Variants in RANBP2 observed in about 807,000 individuals in gnomAD.
RANBP2 encodes the protein RAN binding protein 2, also known as E3 SUMO-protein ligase RanBP2.
In RANBP2, 57 loss-of-function variants were observed where a neutral mutation model predicts 303.6. The ratio of observed to expected loss-of-function variants is 0.19; its 90% CI spans 0.15 to 0.23. The LOEUF (loss-of-function observed/expected upper bound fraction) is 0.23, where lower values mean the gene tolerates loss of function less well. Ranked by LOEUF, RANBP2 falls within the 10% of genes least tolerant of loss-of-function variation. RANBP2 has a pLI of 1.00. For missense variants in RANBP2, 3,138 were observed against 3,780.8 expected (o/e 0.83, Z 4.46); for synonymous variants, 1,167 against 1,301.5 (o/e 0.90, Z 2.23).
the RANBP2 span, among the ~76,000 whole-genome samples, chr2:109,436,289 G>A: frequency 6.6e-6 from 1 of 152,206 alleles, no homozygotes; most frequent in Non-Finnish European, 1.5e-5. Flanking sequence ...AATACACAGA[G>A]GGAAAGCGTG....
the RANBP2 span, among the ~76,000 whole-genome samples, chr2:108,936,758 TA>T: frequency 2.4e-3 from 358 of 152,322 alleles, 2 homozygotes; most frequent in African/African-American, 8.0e-3. Flanking sequence ...TAGTGCTAAT[TA>T]ATATTAGATT....
the RANBP2 span, among the ~76,000 whole-genome samples, chr2:109,170,302 C>A: frequency 9.9e-4 from 125 of 126,390 alleles, 1 homozygote; most frequent in African/African-American, 3.2e-3. Context: ...CTCTTCTCTT[C>A]TCTTCTCTTC....
At chr2:109,056,978 T>G in the RANBP2 span, among the ~76,000 whole-genome samples, 1 of 152,224 alleles carries the variant, frequency 6.6e-6, no homozygotes, top group African/African-American at 2.4e-5. Context: ...AATTGCAATG[T>G]TCCTGTTTTT....
At chr2:109,127,018 T>C in the RANBP2 span, among the ~76,000 whole-genome samples, 5 of 152,202 alleles carry the variant, frequency 3.3e-5, no homozygotes, top group South Asian at 6.2e-4. Flanking sequence ...TGTGAACATG[T>C]TTCCATGCAC....
the RANBP2 span, among the ~76,000 whole-genome samples, chr2:109,305,466 G>GGC: frequency 6.6e-6 from 1 of 152,120 alleles, no homozygotes; most frequent in Non-Finnish European, 1.5e-5. Context: ...GCCCCTGGAG[G>GGC]CTCAAGGAGC....
At chr2:109,717,399 T>C in the RANBP2 span, among the ~76,000 whole-genome samples, 2 of 151,066 alleles carry the variant, frequency 1.3e-5, no homozygotes, top group African/African-American at 4.9e-5. Flanking sequence ...CTGGCCAACA[T>C]TGTGAAATCC....
chr2:108,840,669 T>C, the RANBP2 span, among the ~76,000 whole-genome samples: 1 of 152,210 alleles, frequency 6.6e-6, no homozygotes, highest in Non-Finnish European at 1.5e-5. Flanking sequence ...GTGGTAGCAT[T>C]ATTTCCTTCT....
the RANBP2 span, among the ~76,000 whole-genome samples, chr2:109,599,406 C>T: frequency 2.7e-5 from 4 of 145,974 alleles, no homozygotes; most frequent in African/African-American, 7.6e-5. Flanking sequence ...TGCAGTGAGC[C>T]GAGATTGTGC....
chr2:108,815,185 T>C, the RANBP2 span, among the ~76,000 whole-genome samples: 5 of 152,266 alleles, frequency 3.3e-5, no homozygotes, highest in East Asian at 9.6e-4. Flanking sequence ...GTAACAATTT[T>C]TGTGAGAAGA....
the RANBP2 span, among the ~76,000 whole-genome samples, chr2:109,457,776 A>T: frequency 2.0e-5 from 3 of 152,326 alleles, no homozygotes; most frequent in South Asian, 6.2e-4. Flanking sequence ...ATGCCCAGAA[A>T]AACTCAGTGA....
At chr2:109,053,895 C>T in the RANBP2 span, among the ~76,000 whole-genome samples, 2,931 of 152,204 alleles carry the variant, frequency 0.019, 97 homozygotes, top group African/African-American at 0.066. Context: ...CTCACAGGCC[C>T]CACCACCCCA....
the RANBP2 span, among the ~76,000 whole-genome samples, chr2:109,234,216 TAGTC>T: frequency 6.1e-3 from 929 of 152,348 alleles, 7 homozygotes; most frequent in South Asian, 0.014. Flanking sequence ...AATTTGTTAT[TAGTC>T]AGTTACTTTT....
At chr2:108,788,248 G>A (rs1016994065), downstream of RANBP2, among the ~76,000 whole-genome samples, 2 of 151,204 alleles carry the variant, frequency 1.3e-5, no homozygotes, top group Non-Finnish European at 2.9e-5. Context: ...GTGAAATCCC[G>A]TCTCTACTAA....
the RANBP2 span, among the ~76,000 whole-genome samples, chr2:109,741,236 C>T: frequency 6.9e-6 from 1 of 145,712 alleles, no homozygotes; most frequent in Non-Finnish European, 1.5e-5. Context: ...TCCAGATATG[C>T]AAGCCTGTGT....
At chr2:109,543,162 G>A in the RANBP2 span, 2 of 152,446 alleles carry the variant, frequency 1.3e-5, no homozygotes. Context: ...TGAATTATGT[G>A]CATTTTTATA....
At chr2:109,129,746 A>G in the RANBP2 span, 2 of 1,539,330 alleles carry the variant, frequency 1.3e-6, no homozygotes, top group East Asian at 2.5e-5. Flanking sequence ...ACCACGGCCA[A>G]GGTGCTGCCA....
chr2:108,786,581 G>A (rs192014317), downstream of RANBP2, among the ~76,000 whole-genome samples: 45 of 152,230 alleles, frequency 3.0e-4, no homozygotes, highest in Middle Eastern at 0.01. Flanking sequence ...GCCGGGGCAG[G>A]ACTATCGCGG....
chr2:108,827,603 T>C, the RANBP2 span, among the ~76,000 whole-genome samples: 1 of 151,956 alleles, frequency 6.6e-6, no homozygotes, highest in African/African-American at 2.4e-5. Context: ...GATCACGAGG[T>C]CAGGAGACGG....
Position 108,737,335 on chromosome 2 carries a change from C to CTT in RANBP2, c.782+1099_782+1100dup, listed in dbSNP as rs201427498. On this transcript the variant is annotated intron_variant, in intron 6 of 28. Coordinates refer to ENST00000283195, the MANE Select transcript of RANBP2 (RefSeq NM_006267.5). Reference sequence around the variant, plus strand: ...GGTTCCTTTTTTTCTTTCTTTCTTTCTTTTTTTTTTTTTTGTTTTTTTGAG... The same window carrying CTT: ...GGTTCCTTTTTTTCTTTCTTTCTTTCTTTTTTTTTTTTTTTTGTTTTTTTGAG... 1.3e-3 allele frequency among the ~76,000 whole-genome samples: 152 copies of CTT among 117,018 alleles called. 7 individuals are homozygous for CTT. Among genetic ancestry groups the CTT allele is most frequent in the African/African-American group, 2.9e-3 (70 of 24,420 alleles). 76.8% of individuals were successfully genotyped at this position (117,018 alleles called of 152,430 possible). A position where few individuals can be genotyped will look rare whatever the true frequency, so the allele number is the denominator to read the frequency against.
Sources: gnomAD v4.1 joint callset for allele counts (sites outside exome capture counted in the v4.1 genomes callset) on GRCh38, gnomAD v4.1.1 for gene constraint, MANE v1.5 for transcripts, NCBI Gene and HGNC (gene_info 2026-07-23, HGNC 2026-07-21) for gene names.